Variants in BTRC observed in about 807,000 individuals in gnomAD.
BTRC encodes F-box/WD repeat-containing protein 1A.
A neutral mutation model predicts 85.5 loss-of-function variants in BTRC; 42 were observed. The ratio of observed to expected loss-of-function variants is 0.49; its 90% CI spans 0.38 to 0.64. The LOEUF is 0.64. Among genes scored for constraint, BTRC ranks in the 30% least tolerant of loss-of-function variants. The pLI, the probability that BTRC is intolerant of heterozygous loss-of-function variation, is 0.00. For synonymous variants in BTRC, 255 were observed against 263.3 expected (o/e 0.97, Z 0.30); for missense variants, 594 against 743.5 (o/e 0.80, Z 2.34).
intron 2 of BTRC, among the ~76,000 whole-genome samples, chr10:101,451,842 T>C (rs1249291791): frequency 6.6e-6 from 1 of 152,160 alleles, no homozygotes; most frequent in Non-Finnish European, 1.5e-5. Context: ...AGCCTGCCGC[T>C]CAGGGGCTTT....
intron 1 of BTRC, among the ~76,000 whole-genome samples, chr10:101,389,225 C>G (rs544679678): frequency 6.9e-6 from 1 of 144,174 alleles, no homozygotes; most frequent in South Asian, 2.2e-4. Flanking sequence ...TCATCATTGG[C>G]TCCTCACTTT....
At chr10:101,409,681 C>T (rs972252318) in intron 1 of BTRC, among the ~76,000 whole-genome samples, 3 of 152,126 alleles carry the variant, frequency 2.0e-5, no homozygotes, top group African/African-American at 7.2e-5. Context: ...CATACTTAGA[C>T]ATAGAAAAGA....
At position 101,361,499 on chromosome 10, in the gene BTRC, AACTT is replaced by A. The variant is rs1942205637; in HGVS notation, c.48+7273_48+7276del. 2.6e-5 allele frequency among the ~76,000 whole-genome samples: 4 copies of A among 152,250 alleles called. No homozygotes were observed. In the South Asian group the frequency reaches 8.3e-4, roughly 31 times the overall value. On this transcript the variant is annotated intron_variant, in intron 1 of 14. Coordinates refer to ENST00000370187, the MANE Select transcript of BTRC (RefSeq NM_033637.4). The stretch of plus-strand genomic sequence containing the variant: ...TAGAAAATATTTACCAAAGTTTAAC[AACTT>A]AGTCAATAAAAATAAAACTTTCTCT...
chr10:101,428,608 C>G (rs1944320846), intron 1 of BTRC, among the ~76,000 whole-genome samples: 1 of 152,138 alleles, frequency 6.6e-6, no homozygotes, highest in East Asian at 1.9e-4. Context: ...GAATTCTGCA[C>G]TAGAAAGCAA....
At chr10:101,522,065 C>G (rs1173701321) in intron 5 of BTRC, among the ~76,000 whole-genome samples, 195 bp downstream of exon 5, 2 of 103,868 alleles carry the variant, frequency 1.9e-5, no homozygotes, top group African/African-American at 8.4e-5. Context: ...TGGAGTCTTG[C>G]CCTGTCGCCC....
At chr10:101,438,297 C>T (rs11191011) in intron 2 of BTRC, among the ~76,000 whole-genome samples, 3 of 151,054 alleles carry the variant, frequency 2.0e-5, no homozygotes, top group Non-Finnish European at 3.0e-5. Context: ...TGGTGGTGGG[C>T]GCCTGTAGTC....
At chr10:101,417,626 T>C (rs139639795) in intron 1 of BTRC, among the ~76,000 whole-genome samples, 1 of 152,354 alleles carries the variant, frequency 6.6e-6, no homozygotes, top group East Asian at 1.9e-4. Context: ...GGGAGGTATT[T>C]TGAGACTATT....
chr10:101,465,751 CCT>C (rs1393852758), intron 3 of BTRC, among the ~76,000 whole-genome samples: 2 of 152,128 alleles, frequency 1.3e-5, no homozygotes, highest in African/African-American at 2.4e-5. Flanking sequence ...GACACTGTTC[CCT>C]GTGTCTGTCA....
In BTRC at chr10:101,533,029, T is replaced by C; in HGVS notation, c.1056T>C (p.Asp352=). The change falls in exon 9 of 15, where the codon GAT becomes GAC. Residue 352 remains aspartate, a synonymous_variant. Transcript: ENST00000370187. Reference sequence around the variant, plus strand: ...GTTCAGTCCTCTGTCTCCAGTATGATGAGAGAGTGATCATAACAGGATCAT... The same window carrying C: ...GTTCAGTCCTCTGTCTCCAGTATGACGAGAGAGTGATCATAACAGGATCAT... ...HTGSVLCLQY[D]ERVIITGSSD... 1.2e-6 allele frequency: 2 copies of C among 1,613,500 alleles called. No individual in the cohort carries two copies. The highest frequency in any genetic ancestry group is 2.2e-5 in the South Asian group (2 of 91,060).
At chr10:101,450,731 C>A (rs1021246607) in intron 2 of BTRC, among the ~76,000 whole-genome samples, 4 of 152,080 alleles carry the variant, frequency 2.6e-5, no homozygotes, top group Non-Finnish European at 4.4e-5. Flanking sequence ...ATTGGCTGCC[C>A]CCCAGGACTC....
intron 1 of BTRC, among the ~76,000 whole-genome samples, chr10:101,366,984 T>TTAATATATATATTTA (rs1942457967): frequency 1.6e-5 from 1 of 63,488 alleles, no homozygotes; most frequent in Non-Finnish European, 2.9e-5. Flanking sequence ...ATTTATATAT[T>TTAATATATATATTTA]TATATATATT....
At chr10:101,360,568 A>G (rs1238462851) in intron 1 of BTRC, among the ~76,000 whole-genome samples, 1 of 150,916 alleles carries the variant, frequency 6.6e-6, no homozygotes, top group Non-Finnish European at 1.5e-5. Flanking sequence ...ACGGGGTTTC[A>G]CCATGTTGGC....
intron 4 of BTRC, among the ~76,000 whole-genome samples, chr10:101,495,727 C>A (rs1424997230): frequency 6.6e-6 from 1 of 152,196 alleles, no homozygotes; most frequent in Non-Finnish European, 1.5e-5. Context: ...CTGTGTTCAT[C>A]CTTATTGCCC....
chr10:101,517,282 G>A (rs900567963), intron 4 of BTRC, among the ~76,000 whole-genome samples: 1 of 152,106 alleles, frequency 6.6e-6, no homozygotes, highest in African/African-American at 2.4e-5. Context: ...TATGCTTTCA[G>A]CTGTGTATCT....
intron 13 of BTRC, among the ~76,000 whole-genome samples, chr10:101,542,438 T>C (rs2062482607): frequency 6.6e-6 from 1 of 152,234 alleles, no homozygotes; most frequent in South Asian, 2.1e-4. Context: ...GTCAAGTTGG[T>C]TTATAATATT....
At chr10:101,501,885 C>T (rs1946407872) in intron 4 of BTRC, among the ~76,000 whole-genome samples, 1 of 152,132 alleles carries the variant, frequency 6.6e-6, no homozygotes, top group Non-Finnish European at 1.5e-5. Context: ...CCAGAAAACA[C>T]CTACACAAAA....
At chr10:101,363,133 T>C (rs1427744836) in intron 1 of BTRC, among the ~76,000 whole-genome samples, 1 of 152,220 alleles carries the variant, frequency 6.6e-6, no homozygotes, top group African/African-American at 2.4e-5. Context: ...TTATATATAT[T>C]ATTTCATTTA....
At chr10:101,381,691 C>T (rs1323265680) in intron 1 of BTRC, among the ~76,000 whole-genome samples, 1 of 152,030 alleles carries the variant, frequency 6.6e-6, no homozygotes, top group Admixed American at 6.6e-5. Flanking sequence ...GAGAAACACA[C>T]GATGATAACT....
chr10:101,534,799 C>G lies in BTRC; in HGVS notation c.1236C>G (p.Ser412=), dbSNP rs758960137. Residue 412 remains serine, a synonymous_variant, in exon 10 of 15, where the codon TCC becomes TCG. Transcript: ENST00000370187. ...CCATTGCTGTATGGGATATGGCCTC[C>G]CCAACTGACATTACCCTCCGGAGGG... ...DRSIAVWDMA[S]PTDITLRRVL... 3.1e-6 allele frequency: 5 copies of G among 1,614,154 alleles called. No homozygotes were observed. In the South Asian group the frequency reaches 5.5e-5, roughly 18 times the overall value.
Sources: allele counts gnomAD v4.1 joint callset (sites outside exome capture counted in the v4.1 genomes callset), GRCh38; gene constraint gnomAD v4.1.1; transcripts MANE v1.5; gene names NCBI Gene and HGNC (gene_info 2026-07-23, HGNC 2026-07-21).